Variants in MYRIP observed in about 807,000 individuals in gnomAD.
The protein encoded by MYRIP is rab effector MyRIP.
MYRIP carries 49 observed loss-of-function variants against 98.0 expected under a neutral mutation model. That is an observed-to-expected ratio of 0.50 (90% CI 0.40 to 0.63). The LOEUF is 0.63. MYRIP is among the 30% of genes least tolerant of loss of function. MYRIP has a pLI of 0.00. For synonymous variants in MYRIP, 404 were observed against 409.5 expected, an observed-to-expected ratio of 0.99 and a Z score of 0.16; for missense variants, 1,004 against 1,058.2, an observed-to-expected ratio of 0.95 and a Z score of 0.71.
rs1021940102 is a variant in MYRIP, at chr3:39,818,080, G to A, written c.-31+8164G>A. ...CCTTCAAATAATCTGTTTAATCTAT[G>A]TACTGTAATTTGTTCAATGAAACCA... is the stretch of plus-strand genomic sequence containing the variant. On this transcript the variant is annotated intron_variant, in intron 1 of 16. Coordinates refer to ENST00000302541, the MANE Select transcript of MYRIP (RefSeq NM_015460.4). 2.0e-5 allele frequency among the ~76,000 whole-genome samples: 3 copies of A among 152,130 alleles called. No individual in the cohort carries two copies. In the South Asian group the frequency reaches 6.2e-4, roughly 32 times the overall value.
chr3:40,143,868 G>A (rs377047920), intron 3 of MYRIP, among the ~76,000 whole-genome samples: 15 of 152,268 alleles, frequency 9.9e-5, no homozygotes, highest in Middle Eastern at 3.4e-3. Context: ...CATTCCCCAC[G>A]GATTTGCTGT....
chr3:39,976,446 G>A (rs531303220), intron 2 of MYRIP, among the ~76,000 whole-genome samples: 1 of 152,214 alleles, frequency 6.6e-6, no homozygotes, highest in African/African-American at 2.4e-5. Context: ...CACTGTTGGT[G>A]GGACTCTAAC....
chr3:40,133,551 A>G (rs995121268), intron 3 of MYRIP, among the ~76,000 whole-genome samples: 4 of 152,178 alleles, frequency 2.6e-5, no homozygotes, highest in Non-Finnish European at 5.9e-5. Context: ...CTTTATAAAG[A>G]AGAATGGGGG....
At chr3:40,191,201 TACTCACACATGCAC>T (rs1450593353) in intron 10 of MYRIP, among the ~76,000 whole-genome samples, 5 of 152,276 alleles carry the variant, frequency 3.3e-5, no homozygotes, top group East Asian at 1.9e-4. Context: ...TACACACACA[TACTCACACATGCAC>T]ACTCACACAT....
intron 2 of MYRIP, among the ~76,000 whole-genome samples, chr3:40,033,753 G>C (rs28815222): frequency 2.0e-5 from 3 of 151,778 alleles, no homozygotes; most frequent in Admixed American, 6.6e-5. Flanking sequence ...AAAAAGAGGC[G>C]GCATTGCCAA....
At chr3:39,854,940 C>A (rs752799068) in intron 1 of MYRIP, among the ~76,000 whole-genome samples, 14 of 152,150 alleles carry the variant, frequency 9.2e-5, no homozygotes, top group African/African-American at 3.1e-4. Context: ...GAGGGGCAAC[C>A]AGGCTCCAGG....
chr3:40,193,035 G>A (rs1428368062), intron 10 of MYRIP, among the ~76,000 whole-genome samples: 1 of 152,190 alleles, frequency 6.6e-6, no homozygotes, highest in African/African-American at 2.4e-5. Flanking sequence ...TTCCTGGACT[G>A]AGCTTTTTCC....
chr3:39,997,517 G>A (rs1008620288), intron 2 of MYRIP, among the ~76,000 whole-genome samples: 1 of 152,188 alleles, frequency 6.6e-6, no homozygotes, highest in South Asian at 2.1e-4. Flanking sequence ...ACCAATAACA[G>A]GCTCTGTAAT....
intron 1 of MYRIP, chr3:39,810,370 C>T (rs1482547624): frequency 2.0e-5 from 3 of 152,420 alleles, no homozygotes; most frequent in Non-Finnish European, 4.4e-5. Flanking sequence ...CGGGGGTAAT[C>T]AGGGACTCTC....
intron 2 of MYRIP, among the ~76,000 whole-genome samples, chr3:39,929,550 T>C: frequency 6.6e-6 from 1 of 152,050 alleles, no homozygotes; most frequent in East Asian, 1.9e-4. Flanking sequence ...TGGAACATAA[T>C]AGAATGCAGA....
chr3:39,992,431 C>T (rs1330897281), intron 2 of MYRIP, among the ~76,000 whole-genome samples: 1 of 152,184 alleles, frequency 6.6e-6, no homozygotes, highest in Admixed American at 6.5e-5. Flanking sequence ...CTGCCTCTCC[C>T]CCAAGGGCAC....
chr3:39,964,150 CTTCT>C (rs546283658), intron 2 of MYRIP, among the ~76,000 whole-genome samples: 93 of 152,168 alleles, frequency 6.1e-4, no homozygotes, highest in African/African-American at 2.2e-3. Context: ...TTATTTTCAT[CTTCT>C]TTATCTTTCT....
chr3:40,252,046 G>C, intron 16 of MYRIP, 47 bp downstream of exon 16: 1 of 1,380,800 alleles, frequency 7.2e-7, no homozygotes, highest in Non-Finnish European at 1.0e-6. Flanking sequence ...ACTGTTGATG[G>C]TACCTCCACT....
intron 1 of MYRIP, among the ~76,000 whole-genome samples, chr3:39,810,297 C>T (rs547067484): frequency 4.6e-5 from 7 of 152,322 alleles, no homozygotes; most frequent in South Asian, 2.1e-4. Context: ...TCAAACCATC[C>T]GTTAAGCGCC....
intron 2 of MYRIP, among the ~76,000 whole-genome samples, chr3:39,976,915 A>C (rs1945768182): frequency 6.6e-6 from 1 of 152,100 alleles, no homozygotes; most frequent in African/African-American, 2.4e-5. Flanking sequence ...GGGAGTGGGG[A>C]GGGATAACAT....
Position 40,183,569 on chromosome 3 carries a change from ATGAAGCCCC to A in MYRIP, c.1027+1199_1027+1207del, listed in dbSNP as rs1389365315. ...TCACTGTGGGTGACGGCCGAGGGCC[ATGAAGCCCC>A]TGTGCTCAGGGGGCCTCCTGGTCTA... On this transcript the variant is annotated intron_variant, in intron 9 of 16. Coordinates refer to ENST00000302541, the MANE Select transcript of MYRIP (RefSeq NM_015460.4). Among the ~76,000 whole-genome samples the A allele has an allele frequency of 2.0e-5, 3 of 152,228 alleles. No individual in the cohort carries two copies. In the East Asian group the frequency reaches 5.8e-4, roughly 29 times the overall value.
At chr3:40,098,318 G>A (rs541192583) in intron 3 of MYRIP, among the ~76,000 whole-genome samples, 1 of 152,158 alleles carries the variant, frequency 6.6e-6, no homozygotes, top group East Asian at 1.9e-4. Context: ...GCCTGCATAT[G>A]TGGTATGAAC....
At chr3:40,119,209 G>A (rs1949346579) in intron 3 of MYRIP, among the ~76,000 whole-genome samples, 1 of 151,994 alleles carries the variant, frequency 6.6e-6, no homozygotes, top group Non-Finnish European at 1.5e-5. Context: ...GTGTAAAAGT[G>A]TTCCTATTTC....
intron 2 of MYRIP, among the ~76,000 whole-genome samples, chr3:39,915,492 T>C (rs773237772): frequency 1.1e-4 from 17 of 151,970 alleles, no homozygotes; most frequent in Non-Finnish European, 1.9e-4. Context: ...TATATACTAA[T>C]AAAAAATTAT....
Sources: gnomAD v4.1 joint callset for allele counts (sites outside exome capture counted in the v4.1 genomes callset) on GRCh38, gnomAD v4.1.1 for gene constraint, MANE v1.5 for transcripts, NCBI Gene and HGNC (gene_info 2026-07-23, HGNC 2026-07-21) for gene names.